The following PCP4 variants were observed in gnomAD, a reference collection of about 807,000 sequenced individuals.
The protein encoded by PCP4 is calmodulin regulator protein PCP4.
In PCP4, 8 loss-of-function variants were observed where a neutral mutation model predicts 10.0. That is an observed-to-expected ratio of 0.80 (90% CI 0.47 to 1.45). PCP4 has a LOEUF of 1.45. PCP4 is among the 40% of genes most tolerant of loss of function. The pLI is 0.00. For missense variants in PCP4, 54 were observed against 74.4 expected, an observed-to-expected ratio of 0.73 and a Z score of 1.01; for synonymous variants, 21 against 23.0, an observed-to-expected ratio of 0.91 and a Z score of 0.24.
chr21:39,882,163 G>T (rs778122002), intron 1 of PCP4, among the ~76,000 whole-genome samples: 3 of 152,202 alleles, frequency 2.0e-5, no homozygotes, highest in Non-Finnish European at 4.4e-5. Flanking sequence ...TATTCACTCA[G>T]CTCTAAATAT....
intron 1 of PCP4, among the ~76,000 whole-genome samples, chr21:39,888,408 G>T (rs1174580935): frequency 6.6e-6 from 1 of 152,194 alleles, no homozygotes; most frequent in Non-Finnish European, 1.5e-5. Flanking sequence ...TGTGGTAAAC[G>T]CTGTCACTGA....
intron 1 of PCP4, among the ~76,000 whole-genome samples, chr21:39,889,776 C>G (rs1025847901): frequency 1.2e-4 from 19 of 152,040 alleles, no homozygotes; most frequent in Admixed American, 1.0e-3. Context: ...GGCATACATT[C>G]AGAAAAAAAT....
intron 2 of PCP4, among the ~76,000 whole-genome samples, chr21:39,926,468 A>C (rs1173620038): frequency 7.2e-6 from 1 of 138,362 alleles, no homozygotes; most frequent in Non-Finnish European, 1.5e-5. Flanking sequence ...TTTTACATTT[A>C]AAAGGGAAAC....
intron 2 of PCP4, among the ~76,000 whole-genome samples, chr21:39,922,150 C>T (rs2087599614): frequency 6.6e-6 from 1 of 152,148 alleles, no homozygotes; most frequent in Non-Finnish European, 1.5e-5. Context: ...CCATGCCTGG[C>T]CCTGAGACTC....
chr21:39,924,423 A>G (rs2087611023), intron 2 of PCP4, among the ~76,000 whole-genome samples: 1 of 152,046 alleles, frequency 6.6e-6, no homozygotes, highest in African/African-American at 2.4e-5. Context: ...CCATAGACCC[A>G]CTTCTGCAGG....
chr21:39,887,150 A>G (rs2146331209), intron 1 of PCP4, among the ~76,000 whole-genome samples: 1 of 152,346 alleles, frequency 6.6e-6, no homozygotes, highest in African/African-American at 2.4e-5. Flanking sequence ...GTTTGCCTAA[A>G]CTGCAGTGAT....
intron 2 of PCP4, among the ~76,000 whole-genome samples, chr21:39,921,852 G>A (rs746841987): frequency 4.6e-5 from 7 of 152,172 alleles, no homozygotes; most frequent in African/African-American, 9.7e-5. Flanking sequence ...ATGGCAGCCC[G>A]AGCAAACTCA....
At chr21:39,874,491 C>T (rs897331781) in intron 1 of PCP4, among the ~76,000 whole-genome samples, 12 of 152,126 alleles carry the variant, frequency 7.9e-5, no homozygotes, top group African/African-American at 2.4e-4. Context: ...GGTCAATAAT[C>T]GAATGAAGTA....
At position 39,874,725 on chromosome 21, in the gene PCP4, T is replaced by A. The variant is rs189228178; in HGVS notation, c.9+7215T>A. ...ATCAGGTGGTTAAGTTCTAGTATTT[T>A]AAAAAAAAACCTAGTTAAAAGGTTA... On this transcript the variant is annotated intron_variant, in intron 1 of 2. Coordinates refer to ENST00000328619, the MANE Select transcript of PCP4 (RefSeq NM_006198.3). 7.2e-3 allele frequency among the ~76,000 whole-genome samples: 1,079 copies of A among 150,692 alleles called. 7 individuals carry two copies. The highest frequency in any genetic ancestry group is 0.011 in the African/African-American group (462 of 41,144).
intron 2 of PCP4, among the ~76,000 whole-genome samples, chr21:39,898,734 T>A (rs1022516806): frequency 6.6e-6 from 1 of 152,182 alleles, no homozygotes; most frequent in African/African-American, 2.4e-5. Flanking sequence ...TGATAAGAAG[T>A]TTCCCTTCCA....
chr21:39,907,543 C>G (rs1380693393), intron 2 of PCP4, among the ~76,000 whole-genome samples: 2 of 152,110 alleles, frequency 1.3e-5, no homozygotes, highest in African/African-American at 4.8e-5. Flanking sequence ...CGTGGTGGCT[C>G]CCAGCACTTT....
chr21:39,929,237 C>A lies in PCP4; in HGVS notation c.*126C>A. Reference sequence around the variant, plus strand: ...AATCCACACACGCATAGCAAACCTCCAATGCATGTACAGAAACCTGTGATA... The same window carrying A: ...AATCCACACACGCATAGCAAACCTCAAATGCATGTACAGAAACCTGTGATA... On this transcript the variant is annotated 3_prime_UTR_variant, in exon 3 of 3. Transcript: ENST00000328619. The A allele has an allele frequency of 1.2e-6, 1 of 823,502 alleles. No homozygotes were observed. Among genetic ancestry groups the A allele is most frequent in the Non-Finnish European group, 1.9e-6 (1 of 531,586 alleles). The allele number at this position is 823,502 out of a possible 1,614,324, so 51.0% of individuals were successfully genotyped here.
At chr21:39,881,950 C>T (rs184352688) in intron 1 of PCP4, among the ~76,000 whole-genome samples, 3 of 152,320 alleles carry the variant, frequency 2.0e-5, no homozygotes, top group Admixed American at 6.5e-5. Flanking sequence ...TGGGCATAAT[C>T]CTAAGCCTCT....
intron 1 of PCP4, among the ~76,000 whole-genome samples, chr21:39,872,467 TA>T (rs2087325257): frequency 6.6e-6 from 1 of 152,158 alleles, no homozygotes; most frequent in Non-Finnish European, 1.5e-5. Context: ...GGCTTTTCAT[TA>T]ATTTAAAATG....
Position 39,898,529 on chromosome 21 carries a change from T to C in PCP4, c.61+2T>C, listed in dbSNP as rs200487465. 1 of 1,612,854 alleles carries C rather than the reference T, an allele frequency of 6.2e-7. No individual in the cohort carries two copies. The highest frequency in any genetic ancestry group is 8.5e-7 in the Non-Finnish European group (1 of 1,178,824). On this transcript the variant is annotated splice_donor_variant, in intron 2 of 2. Coordinates refer to ENST00000328619, the MANE Select transcript of PCP4 (RefSeq NM_006198.3). LOFTEE classifies it high-confidence loss of function. Reference sequence around the variant, plus strand: ...AAGACAAGACATCTGGTGAAAATGGTAAGAGGACATGAATAGTCCAAGTTC... The same window carrying C: ...AAGACAAGACATCTGGTGAAAATGGCAAGAGGACATGAATAGTCCAAGTTC...
chr21:39,878,431 T>G (rs1313312840), intron 1 of PCP4, among the ~76,000 whole-genome samples: 4 of 152,222 alleles, frequency 2.6e-5, no homozygotes, highest in Admixed American at 6.5e-5. Flanking sequence ...ACATGTCCAT[T>G]ATGATACTGT....
At chr21:39,927,294 CT>C (rs1335205991) in intron 2 of PCP4, among the ~76,000 whole-genome samples, 8 of 117,586 alleles carry the variant, frequency 6.8e-5, no homozygotes, top group Admixed American at 4.6e-4. Context: ...ATCTATCTAT[CT>C]ATCTATCTAT....
chr21:39,925,440 G>C (rs1017820465), intron 2 of PCP4, among the ~76,000 whole-genome samples: 3 of 152,232 alleles, frequency 2.0e-5, no homozygotes, highest in African/African-American at 7.2e-5. Flanking sequence ...AACACCTACT[G>C]TGTGTGTGCG....
chr21:39,927,687 C>T (rs2087631544), intron 2 of PCP4, among the ~76,000 whole-genome samples: 1 of 152,242 alleles, frequency 6.6e-6, no homozygotes, highest in East Asian at 1.9e-4. Context: ...AGGTGCAAGC[C>T]CAGGGTGGCA....
Sources: gnomAD v4.1 joint callset for allele counts (sites outside exome capture counted in the v4.1 genomes callset) on GRCh38, gnomAD v4.1.1 for gene constraint, MANE v1.5 for transcripts, NCBI Gene and HGNC (gene_info 2026-07-23, HGNC 2026-07-21) for gene names.